ARHGAP10: variants seen among roughly 807,000 people sequenced by gnomAD.
The protein encoded by ARHGAP10 is Rho GTPase activating protein 10.
ARHGAP10 carries 87 observed loss-of-function variants against 108.6 expected under a neutral mutation model. The ratio of observed to expected loss-of-function variants is 0.80; its 90% CI spans 0.67 to 0.96. The LOEUF is 0.96. ARHGAP10 is among the 40% of genes least tolerant of loss of function. The probability of loss-of-function intolerance (pLI) is 0.00; values close to 1 mark genes in which losing one functional copy is unlikely to be tolerated. For synonymous variants in ARHGAP10, 347 were observed against 341.1 expected, an observed-to-expected ratio of 1.02 and a Z score of -0.19; for missense variants, 939 against 954.5, an observed-to-expected ratio of 0.98 and a Z score of 0.21.
At chr4:147,932,845 A>G (rs1156244659) in intron 13 of ARHGAP10, among the ~76,000 whole-genome samples, 1 of 152,212 alleles carries the variant, frequency 6.6e-6, no homozygotes, top group Non-Finnish European at 1.5e-5. Flanking sequence ...AAAAGGTAAT[A>G]TGGGACATAC....
intron 22 of ARHGAP10, among the ~76,000 whole-genome samples, chr4:148,070,419 A>G (rs1381408999): frequency 1.3e-5 from 2 of 152,234 alleles, no homozygotes; most frequent in Admixed American, 1.3e-4. Flanking sequence ...GTCTGCAGAC[A>G]GCCGGAATGT....
intron 3 of ARHGAP10, among the ~76,000 whole-genome samples, chr4:147,837,152 A>G (rs1196481191): frequency 6.6e-6 from 1 of 152,156 alleles, no homozygotes; most frequent in African/African-American, 2.4e-5. Context: ...TGAGCCTAGA[A>G]TGATGGGGAA....
chr4:147,836,330 C>T (rs1733169300), intron 3 of ARHGAP10, among the ~76,000 whole-genome samples: 1 of 152,018 alleles, frequency 6.6e-6, no homozygotes, highest in Non-Finnish European at 1.5e-5. Flanking sequence ...AGCCTTAATC[C>T]TCTTTAATAG....
At chr4:147,995,182 G>T (rs1740424397) in intron 18 of ARHGAP10, among the ~76,000 whole-genome samples, 1 of 152,068 alleles carries the variant, frequency 6.6e-6, no homozygotes, top group Admixed American at 6.5e-5. Flanking sequence ...CCCATTCTTG[G>T]CAGCCTTCCC....
intron 19 of ARHGAP10, among the ~76,000 whole-genome samples, chr4:148,026,479 A>T (rs2149666126): frequency 6.6e-6 from 1 of 152,256 alleles, no homozygotes; most frequent in East Asian, 1.9e-4. Flanking sequence ...TTTAGTAAAG[A>T]CTTCCATCGG....
intron 10 of ARHGAP10, among the ~76,000 whole-genome samples, chr4:147,895,873 T>A (rs1735976319): frequency 6.6e-6 from 1 of 152,230 alleles, no homozygotes; most frequent in East Asian, 1.9e-4. Flanking sequence ...TAATATTAGC[T>A]GAAAATTGCT....
chr4:148,063,352 CT>C, intron 21 of ARHGAP10, 52 bp downstream of exon 21: 1 of 1,605,224 alleles, frequency 6.2e-7, no homozygotes, highest in Non-Finnish European at 8.5e-7. Context: ...ACACAGGGGG[CT>C]TGATGAACCT....
At chr4:147,824,486 G>A (rs997255834) in intron 3 of ARHGAP10, among the ~76,000 whole-genome samples, 4 of 152,132 alleles carry the variant, frequency 2.6e-5, no homozygotes, top group African/African-American at 4.8e-5. Flanking sequence ...GCATTAGTCC[G>A]TTCTTACAGT....
chr4:148,065,449 G>A (rs1033789058), intron 22 of ARHGAP10: 1 of 152,170 alleles, frequency 6.6e-6, no homozygotes, highest in Admixed American at 6.5e-5. Context: ...AGAGACTCCT[G>A]GTAGTGTCAG....
chr4:147,854,816 G>A (rs559197252), intron 4 of ARHGAP10: 1 of 985,366 alleles, frequency 1.0e-6, no homozygotes. Context: ...ACCATATATG[G>A]ACGAAGATAT....
chr4:147,938,817 AAC>A (rs1279324391), intron 13 of ARHGAP10, among the ~76,000 whole-genome samples: 1 of 152,238 alleles, frequency 6.6e-6, no homozygotes, highest in Non-Finnish European at 1.5e-5. Context: ...GGAGAAAATA[AAC>A]ACACAGCCAG....
At chr4:147,850,717 C>A (rs1173110218) in intron 4 of ARHGAP10, among the ~76,000 whole-genome samples, 1 of 152,196 alleles carries the variant, frequency 6.6e-6, no homozygotes. Context: ...AGACCAAGAA[C>A]CCACCAGAAG....
At chr4:147,792,367 C>T (rs947882082) in intron 1 of ARHGAP10, among the ~76,000 whole-genome samples, 1 of 152,210 alleles carries the variant, frequency 6.6e-6, no homozygotes, top group African/African-American at 2.4e-5. Flanking sequence ...AACATGTCCT[C>T]TTCCTTCCCT....
At chr4:147,941,267 C>T (rs1171029574) in intron 14 of ARHGAP10, among the ~76,000 whole-genome samples, 1 of 152,054 alleles carries the variant, frequency 6.6e-6, no homozygotes, top group Non-Finnish European at 1.5e-5. Flanking sequence ...TGTTCCTGTT[C>T]AAGGAAAGTT....
intron 7 of ARHGAP10, among the ~76,000 whole-genome samples, chr4:147,869,373 A>G (rs1734707458): frequency 6.6e-6 from 1 of 152,188 alleles, no homozygotes; most frequent in Non-Finnish European, 1.5e-5. Context: ...TTTACCTTAT[A>G]TAAACCAAAA....
At position 147,785,058 on chromosome 4, in the gene ARHGAP10, A is replaced by C. The variant is rs558672499; in HGVS notation, c.155-37669A>C. Among the ~76,000 whole-genome samples, 128 of 133,480 alleles carry C rather than the reference A, an allele frequency of 9.6e-4. 1 individual carries two copies. The highest frequency in any genetic ancestry group is 3.1e-3 in the African/African-American group (113 of 36,886). The allele number at this position is 133,480 out of a possible 152,430, so 87.6% of individuals were successfully genotyped here. A position where few individuals can be genotyped will look rare whatever the true frequency, so the allele number is the denominator to read the frequency against. Reference sequence around the variant, plus strand: ...TATATATGCAGTTGATTCCAAGATGATGAAATGTATGGACGACTATTTTCT... The same window carrying C: ...TATATATGCAGTTGATTCCAAGATGCTGAAATGTATGGACGACTATTTTCT... On this transcript the variant is annotated intron_variant, in intron 1 of 22. Coordinates refer to ENST00000336498, the MANE Select transcript of ARHGAP10 (RefSeq NM_024605.4).
At chr4:147,925,604 G>A (rs1276050992) in intron 13 of ARHGAP10, among the ~76,000 whole-genome samples, 2 of 152,162 alleles carry the variant, frequency 1.3e-5, no homozygotes, top group African/African-American at 4.8e-5. Context: ...TTCTTACAGG[G>A]AAGGTATTAG....
chr4:148,018,870 A>G (rs1741453536), intron 18 of ARHGAP10, among the ~76,000 whole-genome samples: 1 of 152,200 alleles, frequency 6.6e-6, no homozygotes, highest in African/African-American at 2.4e-5. Flanking sequence ...GACTTGTGCT[A>G]ATTGTTTAAT....
At chr4:147,977,224 A>G (rs1203432612) in intron 18 of ARHGAP10, among the ~76,000 whole-genome samples, 1 of 152,200 alleles carries the variant, frequency 6.6e-6, no homozygotes, top group African/African-American at 2.4e-5. Context: ...GGTTGTTTAT[A>G]TTCCCAGGAA....
Sources: allele counts gnomAD v4.1 joint callset (sites outside exome capture counted in the v4.1 genomes callset), GRCh38; gene constraint gnomAD v4.1.1; transcripts MANE v1.5; gene names NCBI Gene and HGNC (gene_info 2026-07-23, HGNC 2026-07-21).